MAF: variants seen among roughly 807,000 people sequenced by gnomAD.
MAF encodes the protein MAF bZIP transcription factor, also known as transcription factor Maf.
MAF carries 10 observed loss-of-function variants against 22.0 expected under a neutral mutation model. The observed-to-expected ratio is 0.45, with a 90% CI of 0.28 to 0.77. MAF has a LOEUF of 0.77. MAF is among the 30% of genes least tolerant of loss of function. MAF has a pLI of 0.12. For synonymous variants in MAF, 337 were observed against 255.8 expected, an observed-to-expected ratio of 1.32 and a Z score of -3.03; for missense variants, 544 against 548.4, an observed-to-expected ratio of 0.99 and a Z score of 0.08.
chr16:79,255,334 T>G, the MAF span, among the ~76,000 whole-genome samples: 1 of 152,152 alleles, frequency 6.6e-6, no homozygotes, highest in Non-Finnish European at 1.5e-5. Context: ...AAGGTTTAGG[T>G]GCAGATGAAA....
At chr16:79,573,771 A>G in the MAF span, among the ~76,000 whole-genome samples, 1 of 152,242 alleles carries the variant, frequency 6.6e-6, no homozygotes, top group Non-Finnish European at 1.5e-5. Context: ...TGCAGACTAC[A>G]TTTAACAGGC....
At chr16:79,392,951 C>G in the MAF span, among the ~76,000 whole-genome samples, 11 of 152,294 alleles carry the variant, frequency 7.2e-5, no homozygotes, top group Non-Finnish European at 1.5e-4. Flanking sequence ...TGGACTCATT[C>G]CATTCCAGGC....
At chr16:79,483,117 C>A in the MAF span, among the ~76,000 whole-genome samples, 2 of 2,936 alleles carry the variant, frequency 6.8e-4, no homozygotes. Context: ...ACTTCCCTCC[C>A]TCCCCTCCCT....
chr16:79,253,049 A>AAGAC, the MAF span, among the ~76,000 whole-genome samples: 1 of 152,222 alleles, frequency 6.6e-6, no homozygotes, highest in Admixed American at 6.5e-5. Flanking sequence ...TAAATGAGAT[A>AAGAC]AGACAGTAAA....
At chr16:79,415,343 A>ACAGG in the MAF span, among the ~76,000 whole-genome samples, 58,475 of 149,792 alleles carry the variant, frequency 0.39, 13,377 homozygotes, top group East Asian at 0.84. Context: ...GGGAGGATGA[A>ACAGG]CAGGCAGGCA....
At chr16:79,523,215 C>T in the MAF span, among the ~76,000 whole-genome samples, 1 of 152,188 alleles carries the variant, frequency 6.6e-6, no homozygotes, top group African/African-American at 2.4e-5. Flanking sequence ...CTGTTTGACT[C>T]ATCTTCTAGC....
the MAF span, among the ~76,000 whole-genome samples, chr16:79,224,254 A>G: frequency 1.8e-3 from 267 of 152,372 alleles, 2 homozygotes; most frequent in Non-Finnish European, 9.4e-4. Context: ...AACGGATGAT[A>G]AAAACCACAT....
the MAF span, among the ~76,000 whole-genome samples, chr16:79,452,592 T>C: frequency 6.6e-6 from 1 of 152,186 alleles, no homozygotes; most frequent in Non-Finnish European, 1.5e-5. Flanking sequence ...ATGTATTTTC[T>C]TGGTGATTTG....
chr16:79,326,450 CACA>C, the MAF span, among the ~76,000 whole-genome samples: 323 of 152,290 alleles, frequency 2.1e-3, 2 homozygotes, highest in South Asian at 5.6e-3. Flanking sequence ...TCTAATTTAG[CACA>C]ACACCTATAT....
At chr16:79,488,991 G>C in the MAF span, among the ~76,000 whole-genome samples, 140 of 152,160 alleles carry the variant, frequency 9.2e-4, 1 homozygote, top group Non-Finnish European at 1.4e-3. Flanking sequence ...GTGCCATGAA[G>C]CCAGAGGGAG....
the MAF span, among the ~76,000 whole-genome samples, chr16:79,277,878 A>G: frequency 6.6e-6 from 1 of 152,204 alleles, no homozygotes; most frequent in Non-Finnish European, 1.5e-5. Flanking sequence ...TGTGCCTCCT[A>G]AAGTGTGATC....
the MAF span, among the ~76,000 whole-genome samples, chr16:79,391,502 G>A: frequency 6.6e-6 from 1 of 152,140 alleles, no homozygotes; most frequent in South Asian, 2.1e-4. Context: ...ATAATAAAGA[G>A]TTGGCAGGAA....
At chr16:79,434,692 T>C in the MAF span, among the ~76,000 whole-genome samples, 2 of 151,906 alleles carry the variant, frequency 1.3e-5, no homozygotes, top group African/African-American at 4.8e-5. Flanking sequence ...TATACAGTTT[T>C]AATAGAGAAC....
the MAF span, among the ~76,000 whole-genome samples, chr16:79,315,492 G>C: frequency 6.6e-6 from 1 of 152,088 alleles, no homozygotes; most frequent in Non-Finnish European, 1.5e-5. Flanking sequence ...GCTGTTAATA[G>C]GTGCCACACA....
the MAF span, among the ~76,000 whole-genome samples, chr16:79,387,745 A>G: frequency 6.6e-3 from 1,001 of 152,372 alleles, 5 homozygotes; most frequent in Non-Finnish European, 9.1e-3. Context: ...TTCATTTCCA[A>G]TAAGTGCTAC....
chr16:79,502,708 A>AATATAAATATAAATATATATATATAT, the MAF span, among the ~76,000 whole-genome samples: 1 of 34,000 alleles, frequency 2.9e-5, no homozygotes, highest in Admixed American at 5.4e-4. Flanking sequence ...TATAAATATA[A>AATATAAATATAAATATATATATATAT]ATATATATAT....
At chr16:79,396,323 T>C in the MAF span, among the ~76,000 whole-genome samples, 7 of 152,186 alleles carry the variant, frequency 4.6e-5, no homozygotes, top group African/African-American at 1.7e-4. Context: ...TAGGTTTAAC[T>C]GGATGCAATT....
At chr16:79,369,758 C>G in the MAF span, among the ~76,000 whole-genome samples, 3 of 152,340 alleles carry the variant, frequency 2.0e-5, no homozygotes, top group East Asian at 5.8e-4. Flanking sequence ...TGCTTCCACC[C>G]TCCATGATGG....
chr16:79,282,253 G>A, the MAF span, among the ~76,000 whole-genome samples: 1 of 152,264 alleles, frequency 6.6e-6, no homozygotes, highest in African/African-American at 2.4e-5. Flanking sequence ...GACTCGGAGT[G>A]GTATTTTGTA....
Sources: allele counts gnomAD v4.1 joint callset (sites outside exome capture counted in the v4.1 genomes callset), GRCh38; gene constraint gnomAD v4.1.1; transcripts MANE v1.5; gene names NCBI Gene and HGNC (gene_info 2026-07-23, HGNC 2026-07-21).